SCMH1: variants seen among roughly 807,000 people sequenced by gnomAD.
The protein encoded by SCMH1 is polycomb protein SCMH1.
A neutral mutation model predicts 70.8 loss-of-function variants in SCMH1; 37 were observed. The observed-to-expected ratio is 0.52, with a 90% CI of 0.40 to 0.69. The LOEUF is 0.69. Among genes scored for constraint, SCMH1 ranks in the 30% least tolerant of loss-of-function variants. SCMH1 has a pLI of 0.00. For missense variants in SCMH1, 607 were observed against 827.3 expected, an observed-to-expected ratio of 0.73 and a Z score of 3.27; for synonymous variants, 292 against 307.4, an observed-to-expected ratio of 0.95 and a Z score of 0.52.
At chr1:41,241,613 C>A (rs1573361679) in intron 1 of SCMH1, among the ~76,000 whole-genome samples, 1 of 152,110 alleles carries the variant, frequency 6.6e-6, no homozygotes, top group East Asian at 1.9e-4. Flanking sequence ...CCGACTGACC[C>A]GCGCAGACGG....
chr1:41,127,426 G>C (rs991800300), intron 6 of SCMH1, among the ~76,000 whole-genome samples: 1 of 151,996 alleles, frequency 6.6e-6, no homozygotes, highest in African/African-American at 2.4e-5. Context: ...GTTTATAAAG[G>C]AATTTGTGTT....
intron 10 of SCMH1, among the ~76,000 whole-genome samples, chr1:41,052,045 T>C (rs903060259): frequency 6.6e-6 from 1 of 152,220 alleles, no homozygotes; most frequent in African/African-American, 2.4e-5. Flanking sequence ...TGTATCCTTT[T>C]TATCTTTATA....
intron 8 of SCMH1, among the ~76,000 whole-genome samples, chr1:41,092,412 T>C (rs1170796600): frequency 6.6e-6 from 1 of 152,132 alleles, no homozygotes; most frequent in African/African-American, 2.4e-5. Flanking sequence ...CCTAAAACCA[T>C]AAAAATCCTA....
intron 1 of SCMH1, among the ~76,000 whole-genome samples, chr1:41,191,502 T>G (rs931422829): frequency 2.0e-5 from 3 of 152,218 alleles, no homozygotes; most frequent in Admixed American, 6.5e-5. Flanking sequence ...CATTTTATCC[T>G]CTATTCAAGC....
At chr1:41,070,287 A>C (rs1318559852) in intron 10 of SCMH1, among the ~76,000 whole-genome samples, 4 of 152,072 alleles carry the variant, frequency 2.6e-5, no homozygotes, top group African/African-American at 9.7e-5. Context: ...AAATGCTGGG[A>C]GGATTCTGGA....
chr1:41,032,871 C>T (rs188364662), intron 13 of SCMH1, among the ~76,000 whole-genome samples: 7 of 151,406 alleles, frequency 4.6e-5, no homozygotes, highest in East Asian at 2.0e-4. Flanking sequence ...CCCAGCTACT[C>T]GGGAGGCTGA....
chr1:41,054,432 T>C (rs1354858966), intron 10 of SCMH1, among the ~76,000 whole-genome samples: 1 of 152,138 alleles, frequency 6.6e-6, no homozygotes, highest in Non-Finnish European at 1.5e-5. Context: ...ACTTGCAGAA[T>C]TTACAAATAA....
intron 8 of SCMH1, among the ~76,000 whole-genome samples, chr1:41,082,432 T>A (rs758468553): frequency 1.2e-4 from 19 of 152,134 alleles, no homozygotes; most frequent in Admixed American, 2.6e-4. Flanking sequence ...AAGAAAAGAA[T>A]TTTCAACCCA....
intron 8 of SCMH1, among the ~76,000 whole-genome samples, chr1:41,092,943 AC>A (rs758988812): frequency 7.0e-4 from 107 of 152,346 alleles, no homozygotes; most frequent in Non-Finnish European, 2.1e-4. Flanking sequence ...AACTAGTTCA[AC>A]CATTGTGGAA....
chr1:41,174,757 CCTGT>C, intron 2 of SCMH1, among the ~76,000 whole-genome samples: 1 of 152,204 alleles, frequency 6.6e-6, no homozygotes, highest in Non-Finnish European at 1.5e-5. Flanking sequence ...TGCTTTCTTT[CCTGT>C]CTTATTTTCT....
At chr1:41,239,633 C>T (rs1338670618) in intron 1 of SCMH1, among the ~76,000 whole-genome samples, 2 of 152,046 alleles carry the variant, frequency 1.3e-5, no homozygotes, top group Non-Finnish European at 2.9e-5. Context: ...AAGGTTAGAA[C>T]ATACCAATTT....
At chr1:41,197,605 G>A (rs997250421) in intron 1 of SCMH1, among the ~76,000 whole-genome samples, 2 of 151,982 alleles carry the variant, frequency 1.3e-5, no homozygotes, top group African/African-American at 4.8e-5. Flanking sequence ...AAAATTCTAG[G>A]GATGGATAAT....
intron 2 of SCMH1, among the ~76,000 whole-genome samples, chr1:41,178,388 A>G (rs916495191): frequency 7.9e-5 from 12 of 152,188 alleles, no homozygotes; most frequent in African/African-American, 2.7e-4. Flanking sequence ...ACACATAACA[A>G]TATTAACCTT....
At chr1:41,150,050 A>T (rs1300179054) in intron 5 of SCMH1, among the ~76,000 whole-genome samples, 2 of 151,412 alleles carry the variant, frequency 1.3e-5, no homozygotes, top group African/African-American at 4.9e-5. Context: ...CATTTCCTCC[A>T]ATTAGGGAGT....
At chr1:41,068,423 TGA>T (rs1571748564) in intron 10 of SCMH1, among the ~76,000 whole-genome samples, 1 of 152,170 alleles carries the variant, frequency 6.6e-6, no homozygotes, top group South Asian at 2.1e-4. Context: ...TTTTTTCTTT[TGA>T]GAGAGAGTCT....
intron 5 of SCMH1, among the ~76,000 whole-genome samples, chr1:41,150,521 A>C (rs932616980): frequency 2.6e-5 from 4 of 152,144 alleles, no homozygotes; most frequent in East Asian, 1.9e-4. Context: ...ACAAAACAAA[A>C]CAAACCATTA....
intron 9 of SCMH1, 92 bp downstream of exon 9, chr1:41,075,127 G>T: frequency 8.1e-7 from 1 of 1,228,568 alleles, no homozygotes; most frequent in Non-Finnish European, 1.2e-6. Context: ...CTCCCATTAA[G>T]TGCTGGGATT....
At chr1:41,133,339 G>T (rs1642691899) in intron 6 of SCMH1, among the ~76,000 whole-genome samples, 1 of 151,950 alleles carries the variant, frequency 6.6e-6, no homozygotes, top group South Asian at 2.1e-4. Flanking sequence ...AAGCAGAAAA[G>T]ATCTAAAATC....
chr1:41,075,125 A>T, intron 9 of SCMH1, 94 bp downstream of exon 9: 1 of 1,203,640 alleles, frequency 8.3e-7, no homozygotes, highest in Non-Finnish European at 1.2e-6. Context: ...GCCTCCCATT[A>T]AGTGCTGGGA....
Sources: allele counts gnomAD v4.1 joint callset (sites outside exome capture counted in the v4.1 genomes callset), GRCh38; gene constraint gnomAD v4.1.1; transcripts MANE v1.5; gene names NCBI Gene and HGNC (gene_info 2026-07-23, HGNC 2026-07-21).